Variants in NCOA2 observed in about 807,000 individuals in gnomAD.
NCOA2 encodes the protein class E basic helix-loop-helix protein 75.
Under a neutral mutation model 145.1 loss-of-function variants are expected in NCOA2, and 21 were observed. That is an observed-to-expected ratio of 0.14 (90% CI 0.10 to 0.21). NCOA2 has a LOEUF of 0.21. NCOA2 is among the 10% of genes least tolerant of loss of function. The pLI is 1.00. For missense variants in NCOA2, 1,472 were observed against 1,837.6 expected (o/e 0.80, Z 3.64); for synonymous variants, 619 against 637.5 (o/e 0.97, Z 0.44).
At chr8:70,361,453 A>G (rs1810191245) in intron 1 of NCOA2, among the ~76,000 whole-genome samples, 1 of 152,144 alleles carries the variant, frequency 6.6e-6, no homozygotes, top group Non-Finnish European at 1.5e-5. Context: ...CTGAGCAACA[A>G]GAACAAAACT....
At position 70,156,224 on chromosome 8, in the gene NCOA2, T is replaced by C. The variant is rs766237681; in HGVS notation, c.2141A>G (p.Asp714Gly). 1.7e-5 allele frequency: 28 copies of C among 1,613,770 alleles called. No individual in the cohort carries two copies. In the East Asian group the frequency reaches 5.8e-4, roughly 33 times the overall value. ...TGTGCTGCTGGACTCCTGGCTCAGG[T>C]CTTTGCCTGTGGCTTCTGCTGTTAA... ...AKLTAEATGK[D>G]LSQESSSTAP... Residue 714 changes from aspartate to glycine, a missense_variant, in exon 11 of 23, where the codon GAC becomes GGC. Physicochemically the swap from Asp to Gly is moderately conservative, Grantham distance 94. This residue lies in a region of NCOA2 where 953 missense variants were observed against 1,062.1 expected (regional missense o/e 0.90). Coordinates refer to ENST00000452400, the MANE Select transcript of NCOA2 (RefSeq NM_006540.4).
At chr8:70,137,987 C>T in intron 15 of NCOA2, 1 of 391,502 alleles carries the variant, frequency 2.6e-6, no homozygotes, top group South Asian at 9.7e-5. Context: ...CAGTTATCAG[C>T]ATACATATGT....
At chr8:70,164,709 G>A (rs977439555) in intron 7 of NCOA2, among the ~76,000 whole-genome samples, 1 of 151,904 alleles carries the variant, frequency 6.6e-6, no homozygotes, top group Non-Finnish European at 1.5e-5. Flanking sequence ...ACTGTTTCAT[G>A]TATTATTTCT....
At chr8:70,322,768 A>G (rs1806197253) in intron 1 of NCOA2, among the ~76,000 whole-genome samples, 1 of 152,222 alleles carries the variant, frequency 6.6e-6, no homozygotes. Context: ...GGTCTGGCCC[A>G]TAGTAAATGC....
the NCOA2 span, among the ~76,000 whole-genome samples, chr8:70,442,608 C>G: frequency 6.6e-6 from 1 of 152,208 alleles, no homozygotes; most frequent in Non-Finnish European, 1.5e-5. Flanking sequence ...TTGTGAAACA[C>G]AGGGTGAAAT....
At chr8:70,116,292 C>T (rs1269256165) in intron 22 of NCOA2, among the ~76,000 whole-genome samples, 1 of 151,988 alleles carries the variant, frequency 6.6e-6, no homozygotes, top group African/African-American at 2.4e-5. Flanking sequence ...TGGCTCACGC[C>T]TGTAATCCCA....
intron 15 of NCOA2, among the ~76,000 whole-genome samples, chr8:70,133,001 A>G (rs1274808178): frequency 3.3e-5 from 5 of 152,164 alleles, no homozygotes. Context: ...TCAGAACACT[A>G]AACTCTAAAT....
intron 1 of NCOA2, among the ~76,000 whole-genome samples, chr8:70,348,356 T>C (rs1485597397): frequency 6.6e-6 from 1 of 152,034 alleles, no homozygotes; most frequent in Non-Finnish European, 1.5e-5. Flanking sequence ...CCAAGATGGG[T>C]ATATTTGGGC....
chr8:70,122,144 C>T (rs1298898169), intron 21 of NCOA2, among the ~76,000 whole-genome samples: 1 of 152,218 alleles, frequency 6.6e-6, no homozygotes, highest in African/African-American at 2.4e-5. Flanking sequence ...CGCTTTTCCT[C>T]AGCAAGCAAA....
chr8:70,391,439 A>C (rs1813200089), intron 1 of NCOA2, among the ~76,000 whole-genome samples: 1 of 152,178 alleles, frequency 6.6e-6, no homozygotes. Flanking sequence ...GCATCTCCTT[A>C]TGATCTGCCA....
Position 70,258,393 on chromosome 8 carries a change from T to C in NCOA2, c.-20+38351A>G, listed in dbSNP as rs144334499. Reference sequence around the variant, plus strand: ...ACCGTGCCCAACTTTCAAGCTCTCATAAACGTATCTCCCTAAATGTACCCA... The same window carrying C: ...ACCGTGCCCAACTTTCAAGCTCTCACAAACGTATCTCCCTAAATGTACCCA... On this transcript the variant is annotated intron_variant, in intron 2 of 22. Transcript: ENST00000452400. Among the ~76,000 whole-genome samples the C allele has an allele frequency of 8.6e-4, 131 of 152,322 alleles. 1 individual carries two copies. Among genetic ancestry groups the C allele is most frequent in the African/African-American group, 3.1e-3 (127 of 41,570 alleles).
intron 1 of NCOA2, among the ~76,000 whole-genome samples, chr8:70,350,404 T>C (rs1421594441): frequency 6.6e-6 from 1 of 152,162 alleles, no homozygotes; most frequent in Non-Finnish European, 1.5e-5. Context: ...TATTTCACTA[T>C]CCAAAAGAGC....
chr8:70,195,980 T>G (rs1817264111), intron 4 of NCOA2, among the ~76,000 whole-genome samples: 1 of 152,184 alleles, frequency 6.6e-6, no homozygotes, highest in Non-Finnish European at 1.5e-5. Context: ...TATGTTCCTT[T>G]TAAGACAACA....
At chr8:70,425,211 T>C in the NCOA2 span, among the ~76,000 whole-genome samples, 1 of 152,230 alleles carries the variant, frequency 6.6e-6, no homozygotes. Context: ...TCCATCTCCA[T>C]TCCAACCATC....
chr8:70,290,597 GT>G (rs1826597445), intron 2 of NCOA2, among the ~76,000 whole-genome samples: 3 of 152,046 alleles, frequency 2.0e-5, no homozygotes, highest in Non-Finnish European at 4.4e-5. Context: ...AAAGCTTACT[GT>G]TAATTTCTCT....
the NCOA2 span, among the ~76,000 whole-genome samples, chr8:70,432,963 T>TA: frequency 2.0e-4 from 30 of 152,228 alleles, no homozygotes; most frequent in Non-Finnish European, 3.7e-4. Flanking sequence ...TTACAGGCTA[T>TA]AATTACATTA....
intron 16 of NCOA2, among the ~76,000 whole-genome samples, chr8:70,131,604 C>G (rs1809110757): frequency 6.6e-6 from 1 of 152,118 alleles, no homozygotes; most frequent in African/African-American, 2.4e-5. Flanking sequence ...TGTCTTTCTG[C>G]TAACTTGAAC....
At chr8:70,250,465 G>C (rs1411933390) in intron 2 of NCOA2, among the ~76,000 whole-genome samples, 1 of 151,362 alleles carries the variant, frequency 6.6e-6, no homozygotes, top group Non-Finnish European at 1.5e-5. Context: ...AGCTGTTCAG[G>C]AGGCTGAGGC....
intron 2 of NCOA2, among the ~76,000 whole-genome samples, chr8:70,248,600 C>G (rs1330122055): frequency 6.6e-6 from 1 of 152,010 alleles, no homozygotes; most frequent in African/African-American, 2.4e-5. Flanking sequence ...CATGGATGCT[C>G]AAGTCCTGGA....
Sources: allele counts gnomAD v4.1 joint callset (sites outside exome capture counted in the v4.1 genomes callset), GRCh38; gene constraint gnomAD v4.1.1; regional missense constraint gnomAD v4.1.1; transcripts MANE v1.5; gene names NCBI Gene and HGNC (gene_info 2026-07-23, HGNC 2026-07-21).